Variants in SRGAP1 observed in about 807,000 individuals in gnomAD.
The protein encoded by SRGAP1 is SLIT-ROBO Rho GTPase activating protein 1, also known as SLIT-ROBO Rho GTPase-activating protein 1.
A neutral mutation model predicts 121.9 loss-of-function variants in SRGAP1; 43 were observed. That is an observed-to-expected ratio of 0.35 (90% CI 0.28 to 0.46). The LOEUF (loss-of-function observed/expected upper bound fraction) is 0.46. SRGAP1 is among the 20% of genes least tolerant of loss of function. The pLI, the probability that SRGAP1 is intolerant of heterozygous loss-of-function variation, is 1.00. For synonymous variants in SRGAP1, 447 were observed against 485.4 expected (o/e 0.92, Z 1.04); for missense variants, 1,102 against 1,350.9 (o/e 0.82, Z 2.89).
chr12:64,080,532 G>T (rs1271481449), intron 10 of SRGAP1, 162 bp downstream of exon 10: 2 of 722,988 alleles, frequency 2.8e-6, no homozygotes, highest in Non-Finnish European at 5.0e-6. Context: ...AGTTCTCCTG[G>T]CACGATTTTC....
intron 1 of SRGAP1, among the ~76,000 whole-genome samples, chr12:63,873,961 A>G (rs1899944711): frequency 6.6e-6 from 1 of 151,008 alleles, no homozygotes; most frequent in Non-Finnish European, 1.5e-5. Flanking sequence ...GAGTCTGAGA[A>G]GTGGAGGTTG....
intron 1 of SRGAP1, among the ~76,000 whole-genome samples, chr12:63,929,232 G>T (rs1356661882): frequency 2.0e-5 from 3 of 152,158 alleles, no homozygotes; most frequent in Non-Finnish European, 4.4e-5. Context: ...TGCAAATCCT[G>T]GTTCTACCAT....
At chr12:64,129,972 C>CATGTTTGTT (rs1565693991) in intron 21 of SRGAP1, among the ~76,000 whole-genome samples, 1 of 140,566 alleles carries the variant, frequency 7.1e-6, no homozygotes, top group African/African-American at 2.7e-5. Flanking sequence ...CTCAGCAGGT[C>CATGTTTGTT]GTGGTTGTTG....
intron 1 of SRGAP1, among the ~76,000 whole-genome samples, chr12:63,930,668 C>G (rs2031445174): frequency 1.3e-5 from 2 of 151,770 alleles, no homozygotes; most frequent in South Asian, 4.2e-4. Context: ...AGAAAGAAAC[C>G]AAATGTACCT....
intron 3 of SRGAP1, among the ~76,000 whole-genome samples, chr12:64,002,423 C>T (rs2033930559): frequency 6.6e-6 from 1 of 152,134 alleles, no homozygotes; most frequent in South Asian, 2.1e-4. Context: ...TGGACACAGT[C>T]ATAAGGAGTG....
In SRGAP1 at chr12:63,909,497, T is replaced by C. The variant is rs556852033; in HGVS notation, c.67+64614T>C. Among the ~76,000 whole-genome samples, 15 of 152,344 alleles carry C rather than the reference T, an allele frequency of 9.8e-5. No homozygotes were observed. In the East Asian group the frequency reaches 2.9e-3, roughly 29 times the overall value. On this transcript the variant is annotated intron_variant, in intron 1 of 21. Coordinates refer to ENST00000355086, the MANE Select transcript of SRGAP1 (RefSeq NM_020762.4). ...TGCTTTTTCCTTTCCCTGTAACAGA[T>C]TCCCAGGGTATACTTTCAAATCTCA...
chr12:63,849,335 G>A (rs1286052082), intron 1 of SRGAP1, among the ~76,000 whole-genome samples: 1 of 152,180 alleles, frequency 6.6e-6, no homozygotes, highest in South Asian at 2.1e-4. Flanking sequence ...AAATATTGTG[G>A]AGCTACACAT....
intron 15 of SRGAP1, among the ~76,000 whole-genome samples, chr12:64,100,636 T>C (rs571101064): frequency 6.6e-6 from 1 of 152,308 alleles, no homozygotes; most frequent in South Asian, 2.1e-4. Context: ...ATAAGTCTTG[T>C]TACTTTTAGT....
At chr12:64,050,598 A>G (rs2035219418) in intron 6 of SRGAP1, among the ~76,000 whole-genome samples, 1 of 152,186 alleles carries the variant, frequency 6.6e-6, no homozygotes, top group Non-Finnish European at 1.5e-5. Flanking sequence ...CCACATTTCC[A>G]TTTGTGACCC....
intron 21 of SRGAP1, among the ~76,000 whole-genome samples, chr12:64,136,110 C>T (rs2036852471): frequency 1.3e-5 from 2 of 152,166 alleles, no homozygotes; most frequent in African/African-American, 2.4e-5. Flanking sequence ...GTCTGCCTTC[C>T]CCAGCCCACT....
Position 64,001,440 on chromosome 12 carries a change from A to C in SRGAP1, c.426+11368A>C, listed in dbSNP as rs2033893634. Among the ~76,000 whole-genome samples the C allele has an allele frequency of 2.6e-5, 4 of 152,318 alleles. No homozygotes were observed. In the South Asian group the frequency reaches 8.3e-4, roughly 32 times the overall value. On this transcript the variant is annotated intron_variant, in intron 3 of 21. Transcript: ENST00000355086. ...TTGGCCATATGACTTGCTTTGGTCA[A>C]TGGGACAATGGTAAATGTGAAGCAA...
At chr12:63,987,777 G>T (rs140347673) in intron 2 of SRGAP1, among the ~76,000 whole-genome samples, 2 of 152,230 alleles carry the variant, frequency 1.3e-5, no homozygotes, top group South Asian at 2.1e-4. Context: ...TCAAATGGTA[G>T]TAATAAGGAT....
intron 4 of SRGAP1, among the ~76,000 whole-genome samples, chr12:64,022,684 G>C (rs1187448663): frequency 6.6e-6 from 1 of 152,172 alleles, no homozygotes; most frequent in Non-Finnish European, 1.5e-5. Flanking sequence ...TCCCTTTCTG[G>C]TGTGCACAAC....
chr12:64,052,702 G>A (rs1195984959), intron 6 of SRGAP1, among the ~76,000 whole-genome samples: 1 of 152,022 alleles, frequency 6.6e-6, no homozygotes, highest in African/African-American at 2.4e-5. Context: ...CAATATACTT[G>A]TACCTGCCAA....
At chr12:63,961,138 T>C (rs1055569541) in intron 1 of SRGAP1, among the ~76,000 whole-genome samples, 6 of 152,200 alleles carry the variant, frequency 3.9e-5, no homozygotes, top group Non-Finnish European at 7.3e-5. Context: ...TAACTTTAAT[T>C]AAAATTAGAG....
intron 8 of SRGAP1, among the ~76,000 whole-genome samples, chr12:64,068,614 C>T (rs1427663812): frequency 1.3e-5 from 2 of 151,878 alleles, no homozygotes; most frequent in African/African-American, 4.8e-5. Flanking sequence ...GGATTACAGG[C>T]GTGAGCCACC....
At chr12:63,972,635 T>C (rs1287786934) in intron 1 of SRGAP1, among the ~76,000 whole-genome samples, 1 of 152,218 alleles carries the variant, frequency 6.6e-6, no homozygotes, top group Non-Finnish European at 1.5e-5. Flanking sequence ...AAACTTGTTA[T>C]TTGTATTCAA....
At chr12:63,906,826 T>C (rs1016217984) in intron 1 of SRGAP1, among the ~76,000 whole-genome samples, 3 of 152,110 alleles carry the variant, frequency 2.0e-5, no homozygotes, top group African/African-American at 7.2e-5. Context: ...ATGTAAAATG[T>C]ATCAGCAGTG....
At chr12:63,849,372 C>T (rs534222466) in intron 1 of SRGAP1, among the ~76,000 whole-genome samples, 3 of 152,294 alleles carry the variant, frequency 2.0e-5, no homozygotes, top group African/African-American at 7.2e-5. Context: ...CTCATAAAGA[C>T]ATGTTTTATG....
Sources: allele counts gnomAD v4.1 joint callset (sites outside exome capture counted in the v4.1 genomes callset), GRCh38; gene constraint gnomAD v4.1.1; transcripts MANE v1.5; gene names NCBI Gene and HGNC (gene_info 2026-07-23, HGNC 2026-07-21).